The following VPS26C variants were observed in gnomAD, a reference collection of about 807,000 sequenced individuals.
VPS26C encodes VPS26 endosomal protein sorting factor C, also known as vacuolar protein sorting-associated protein 26C.
In VPS26C, 19 loss-of-function variants were observed where a neutral mutation model predicts 30.6. The observed-to-expected ratio is 0.62, with a 90% CI of 0.43 to 0.91. VPS26C has a LOEUF of 0.91. VPS26C is among the 40% of genes least tolerant of loss of function. The probability of loss-of-function intolerance (pLI) is 0.00; values close to 1 mark genes in which losing one functional copy is unlikely to be tolerated. For synonymous variants in VPS26C, 132 were observed against 151.5 expected (o/e 0.87, Z 0.95); for missense variants, 318 against 385.1 (o/e 0.83, Z 1.46).
chr21:37,245,754 G>A (rs971849676), intron 1 of VPS26C, among the ~76,000 whole-genome samples: 2 of 152,066 alleles, frequency 1.3e-5, no homozygotes, highest in African/African-American at 4.8e-5. Context: ...AGATGAAAAT[G>A]GTGAATGTGC....
intron 4 of VPS26C, 49 bp from the exon 5 acceptor site, chr21:37,232,500 T>C (rs2085976419): frequency 6.7e-7 from 1 of 1,483,418 alleles, no homozygotes; most frequent in Admixed American, 1.7e-5. Context: ...CCAAGAGTTC[T>C]GCAGGTCAAA....
intron 5 of VPS26C, chr21:37,230,928 G>A (rs1278776602): frequency 2.0e-5 from 3 of 152,416 alleles, no homozygotes; most frequent in Non-Finnish European, 2.9e-5. Context: ...CGGAAAAGCA[G>A]ACTCGGGGCA....
At chr21:37,252,015 G>C (rs930175337) in intron 1 of VPS26C, among the ~76,000 whole-genome samples, 1 of 152,154 alleles carries the variant, frequency 6.6e-6, no homozygotes, top group Non-Finnish European at 1.5e-5. Flanking sequence ...CCCCACAGTC[G>C]TGTGCATATA....
At chr21:37,235,562 G>T (rs927514662) in intron 3 of VPS26C, among the ~76,000 whole-genome samples, 1 of 152,194 alleles carries the variant, frequency 6.6e-6, no homozygotes, top group Non-Finnish European at 1.5e-5. Flanking sequence ...TAGGATAAAC[G>T]CTTGCTAGCA....
chr21:37,267,783 AACTTGGT>A (rs1393252939), upstream of VPS26C: 2 of 179,900 alleles, frequency 1.1e-5, no homozygotes, highest in Non-Finnish European at 2.4e-5. Flanking sequence ...AGGAGGTTTT[AACTTGGT>A]AATGCCTGCC....
chr21:37,258,798 C>T (rs1788104698), intron 1 of VPS26C, among the ~76,000 whole-genome samples: 1 of 152,154 alleles, frequency 6.6e-6, no homozygotes, highest in South Asian at 2.1e-4. Flanking sequence ...TATCGAAACA[C>T]GCCGCGGTGG....
At chr21:37,235,670 T>C (rs1194073903) in intron 3 of VPS26C, among the ~76,000 whole-genome samples, 2 of 151,844 alleles carry the variant, frequency 1.3e-5, no homozygotes, top group Non-Finnish European at 2.9e-5. Flanking sequence ...AAAGGGCAAC[T>C]ACGGAAGACT....
At chr21:37,237,766 C>T (rs2086040222) in intron 3 of VPS26C, 1 of 152,122 alleles carries the variant, frequency 6.6e-6, no homozygotes, top group Admixed American at 6.6e-5. Flanking sequence ...CTACTAAGGC[C>T]AAATTATTGA....
chr21:37,230,747 C>T (rs2085953128), intron 5 of VPS26C: 1 of 152,338 alleles, frequency 6.6e-6, no homozygotes, highest in Admixed American at 6.5e-5. Flanking sequence ...ACCCGTCCTC[C>T]AGGTGGCAGG....
chr21:37,255,533 G>A (rs529371409), intron 1 of VPS26C, among the ~76,000 whole-genome samples: 1 of 152,272 alleles, frequency 6.6e-6, no homozygotes, highest in East Asian at 1.9e-4. Context: ...GCTACCCAGA[G>A]GTCAATTCTG....
At chr21:37,235,705 T>TAAAA (rs2086013178) in intron 3 of VPS26C, among the ~76,000 whole-genome samples, 2 of 151,788 alleles carry the variant, frequency 1.3e-5, no homozygotes. Context: ...AAGTATCTAG[T>TAAAA]AACAAAGACA....
At chr21:37,245,670 C>G (rs2086130928) in intron 1 of VPS26C, among the ~76,000 whole-genome samples, 1 of 152,148 alleles carries the variant, frequency 6.6e-6, no homozygotes, top group Non-Finnish European at 1.5e-5. Flanking sequence ...TGATTGGCAA[C>G]AGTAGGCATT....
Position 37,232,105 on chromosome 21 carries a change from GC to G in VPS26C, c.507+271del, listed in dbSNP as rs1358094933. 9.0e-6 allele frequency: 4 copies of G among 442,512 alleles called. No homozygotes were observed. The East Asian group carries it at 1.5e-4, about 16-fold the overall frequency. 27.4% of individuals were successfully genotyped at this position (442,512 alleles called of 1,614,324 possible). A position where few individuals can be genotyped will look rare whatever the true frequency, so the allele number is the denominator to read the frequency against. ...TCATGGGCAGCAGGGGGTCTTGGGG[GC>G]CCATGATGCAGTAAAACTGAGGGAA... On this transcript the variant is annotated intron_variant, in intron 5 of 7. Coordinates refer to ENST00000309117, the MANE Select transcript of VPS26C (RefSeq NM_006052.2).
intron 2 of VPS26C, 75 bp downstream of exon 2, chr21:37,240,421 G>C: frequency 6.5e-7 from 1 of 1,541,566 alleles, no homozygotes; most frequent in African/African-American, 1.4e-5. Context: ...CACTGCGCCT[G>C]GCCCTGAGCC....
At chr21:37,236,249 G>A (rs1004463142) in intron 3 of VPS26C, among the ~76,000 whole-genome samples, 8 of 152,134 alleles carry the variant, frequency 5.3e-5, no homozygotes, top group Non-Finnish European at 1.0e-4. Context: ...GTCTGGACCC[G>A]CAGGCTGAGG....
In VPS26C at chr21:37,227,826, T is replaced by G; in HGVS notation, c.659-20A>C. On this transcript the variant is annotated intron_variant, in intron 6 of 7. Transcript: ENST00000309117. Reference sequence around the variant, plus strand: ...CACACCCTGCGGGAGGGAGGCCACATCACGCGGTCAGGGCCAGCAGAGGCT... The same window carrying G: ...CACACCCTGCGGGAGGGAGGCCACAGCACGCGGTCAGGGCCAGCAGAGGCT... 2 of 1,595,610 alleles carry G rather than the reference T, an allele frequency of 1.3e-6. No individual in the cohort carries two copies. Among genetic ancestry groups the G allele is most frequent in the Non-Finnish European group, 1.7e-6 (2 of 1,175,448 alleles).
chr21:37,234,625 G>A (rs1336400813), intron 3 of VPS26C, among the ~76,000 whole-genome samples: 4 of 152,130 alleles, frequency 2.6e-5, no homozygotes, highest in African/African-American at 4.8e-5. Flanking sequence ...TAATCGTCCA[G>A]GAAAAACTTC....
chr21:37,237,037 T>G (rs1266238084), intron 3 of VPS26C, among the ~76,000 whole-genome samples: 3 of 152,178 alleles, frequency 2.0e-5, no homozygotes, highest in Non-Finnish European at 4.4e-5. Context: ...TGCCATGGCC[T>G]CCCAAAGTGC....
intron 6 of VPS26C, 109 bp downstream of exon 6, chr21:37,228,114 C>T: frequency 6.9e-7 from 1 of 1,456,564 alleles, no homozygotes; most frequent in Non-Finnish European, 9.3e-7. Flanking sequence ...GCTGGGATTA[C>T]AGGGGTGCGC....
Sources: gnomAD v4.1 joint callset for allele counts (sites outside exome capture counted in the v4.1 genomes callset) on GRCh38, gnomAD v4.1.1 for gene constraint, MANE v1.5 for transcripts, NCBI Gene and HGNC (gene_info 2026-07-23, HGNC 2026-07-21) for gene names.